Variants in PCDHGA4 observed in about 807,000 individuals in gnomAD.
PCDHGA4 encodes protocadherin gamma-A4.
PCDHGA4 carries 38 observed loss-of-function variants against 54.6 expected under a neutral mutation model. That is an observed-to-expected ratio of 0.70 (90% CI 0.54 to 0.91). The LOEUF is 0.91. Among genes scored for constraint, PCDHGA4 ranks in the 40% least tolerant of loss-of-function variants. The probability of loss-of-function intolerance (pLI) is 0.00; values close to 1 mark genes in which losing one functional copy is unlikely to be tolerated. For synonymous variants in PCDHGA4, 511 were observed against 512.9 expected, an observed-to-expected ratio of 1.00 and a Z score of 0.05; for missense variants, 1,298 against 1,220.9, an observed-to-expected ratio of 1.06 and a Z score of -0.94.
At chr5:141,392,010 A>T (rs949188518) in intron 1 of PCDHGA4, 1 of 152,234 alleles carries the variant, frequency 6.6e-6, no homozygotes, top group African/African-American at 2.4e-5. Context: ...TGCAATGGTA[A>T]AAGCATTTAT....
chr5:141,384,478 G>A (rs1350381914), intron 1 of PCDHGA4: 4 of 1,614,104 alleles, frequency 2.5e-6, no homozygotes, highest in Non-Finnish European at 3.4e-6. Context: ...GCAGTTGAGA[G>A]AACTACAACT....
chr5:141,372,008 C>A (rs774155523), intron 1 of PCDHGA4: 3 of 1,613,290 alleles, frequency 1.9e-6, no homozygotes, highest in East Asian at 4.5e-5. Flanking sequence ...GCGACCAGGG[C>A]TCGCCTACGC....
chr5:141,384,444 C>T lies in PCDHGA4; in HGVS notation c.2514+26823C>T, dbSNP rs751427123. 2.5e-5 allele frequency: 41 copies of T among 1,613,906 alleles called. No individual in the cohort carries two copies. The Admixed American group carries it at 5.0e-4, about 20-fold the overall frequency. ...TAAACTCTGACACTGGAGTCCTGTA[C>T]GCGCTGCAATCCTTTGATTATGAGC... On this transcript the variant is annotated intron_variant, in intron 1 of 3. Transcript: ENST00000571252.
chr5:141,488,866 G>C (rs957501628), intron 1 of PCDHGA4, among the ~76,000 whole-genome samples: 1 of 152,148 alleles, frequency 6.6e-6, no homozygotes, highest in East Asian at 1.9e-4. Context: ...GAAGTGAGTG[G>C]GGAGGTAGGA....
chr5:141,507,861 C>G (rs538942097), intron 3 of PCDHGA4, among the ~76,000 whole-genome samples: 6 of 152,306 alleles, frequency 3.9e-5, no homozygotes, highest in South Asian at 4.1e-4. Flanking sequence ...CTTTCACACC[C>G]GCTTCCTAGC....
chr5:141,387,726 G>C, intron 1 of PCDHGA4: 7 of 1,198,740 alleles, frequency 5.8e-6, no homozygotes, highest in Non-Finnish European at 8.0e-6. Context: ...ACTCCCCAGC[G>C]CCAGCCTTTA....
chr5:141,441,631 C>A, intron 1 of PCDHGA4: 2 of 226,308 alleles, frequency 8.8e-6, no homozygotes, highest in Non-Finnish European at 1.8e-5. Context: ...GACCTGGAGC[C>A]ACAGGCGCTG....
Position 141,356,806 on chromosome 5 carries a change from G to A in PCDHGA4, c.1699G>A (p.Asp567Asn). Residue 567 changes from aspartate to asparagine, a missense_variant, in exon 1 of 4, where the codon GAC (aspartate) becomes AAC (asparagine). By Grantham distance (23) the Asp-to-Asn change is conservative. Coordinates refer to ENST00000571252, the MANE Select transcript of PCDHGA4 (RefSeq NM_018917.4). ...RDLQLLMTASDSGDPPLSSNV... is the reference protein window; with the variant it reads ...RDLQLLMTASNSGDPPLSSNV... ...CCTGCAGCTGCTGATGACAGCCAGT[G>A]ACAGTGGAGACCCTCCACTCAGCAG... 1 of 1,614,010 alleles carries A rather than the reference G, an allele frequency of 6.2e-7. No homozygotes were observed. Among genetic ancestry groups the A allele is most frequent in the Non-Finnish European group, 8.5e-7 (1 of 1,179,892 alleles).
intron 1 of PCDHGA4, chr5:141,410,578 T>G: frequency 1.9e-6 from 3 of 1,610,984 alleles, no homozygotes; most frequent in Non-Finnish European, 2.5e-6. Context: ...TTCCACCTCA[T>G]GGTGGGGAGG....
Position 141,431,021 on chromosome 5 carries a change from G to A in PCDHGA4, c.2515-63786G>A. On this transcript the variant is annotated intron_variant, in intron 1 of 3. Coordinates refer to ENST00000571252, the MANE Select transcript of PCDHGA4 (RefSeq NM_018917.4). This position sits in a 1 kb window ranked among gnomAD's most constrained non-coding sequence, Gnocchi z 4.8. ...GCGCAGCGGCAGCTTGGTCACGGCG[G>A]GCAGGATAGACCGGGAGGAGCTCTG... is the stretch of plus-strand genomic sequence containing the variant. 1 of 1,613,940 alleles carries A rather than the reference G, an allele frequency of 6.2e-7. No individual in the cohort carries two copies. Among genetic ancestry groups the A allele is most frequent in the Non-Finnish European group, 8.5e-7 (1 of 1,179,936 alleles).
In PCDHGA4 at chr5:141,393,089, G is replaced by A. The variant is rs1168367249; in HGVS notation, c.2514+35468G>A. 4 of 1,613,660 alleles carry A rather than the reference G, an allele frequency of 2.5e-6. No homozygotes were observed. In the East Asian group the frequency reaches 6.7e-5, roughly 27 times the overall value. ...TGATCACCGCGGGCAGGATAGATCGGGAGGAGCTCTGCGCTCAGAGCCCGC... is the reference window on the plus strand; with the variant it reads ...TGATCACCGCGGGCAGGATAGATCGAGAGGAGCTCTGCGCTCAGAGCCCGC... On this transcript the variant is annotated intron_variant, in intron 1 of 3. Transcript: ENST00000571252.
chr5:141,475,739 T>C (rs190533989), intron 1 of PCDHGA4, among the ~76,000 whole-genome samples: 593 of 152,384 alleles, frequency 3.9e-3, no homozygotes, highest in Non-Finnish European at 6.7e-3. Flanking sequence ...TTCCCTAAGG[T>C]AGGTTTCCTA....
intron 1 of PCDHGA4, chr5:141,360,538 C>T: frequency 1.9e-6 from 3 of 1,613,954 alleles, no homozygotes; most frequent in Non-Finnish European, 2.5e-6. Context: ...GCTATTCAAA[C>T]AGACTAAGAT....
intron 1 of PCDHGA4, chr5:141,441,945 G>A: frequency 3.0e-6 from 1 of 333,884 alleles, no homozygotes; most frequent in Non-Finnish European, 5.8e-6. Flanking sequence ...ACCACGTGCT[G>A]CAGGCCAGCA....
At position 141,487,550 on chromosome 5, in the gene PCDHGA4, G is replaced by A. The variant is rs762537798; in HGVS notation, c.2515-7257G>A. 1 of 1,614,160 alleles carries A rather than the reference G, an allele frequency of 6.2e-7. No individual in the cohort carries two copies. The highest frequency in any genetic ancestry group is 1.1e-5 in the South Asian group (1 of 91,082). ...CTTCATGATGGTGAAGTCACCCAGT[G>A]CACCTATGGCAGGGGAGCCTGTTCG... On this transcript the variant is annotated intron_variant, in intron 1 of 3. Transcript: ENST00000571252. The surrounding 1 kb of genome is among the most constrained non-coding windows in gnomAD (Gnocchi z 5.0).
intron 1 of PCDHGA4, chr5:141,366,006 C>G: frequency 1.9e-6 from 3 of 1,614,240 alleles, no homozygotes; most frequent in Non-Finnish European, 2.5e-6. Context: ...AACGACAATA[C>G]GCCTGAGATC....
chr5:141,373,239 T>C (rs1466756322), intron 1 of PCDHGA4, among the ~76,000 whole-genome samples: 1 of 152,238 alleles, frequency 6.6e-6, no homozygotes, highest in Non-Finnish European at 1.5e-5. Flanking sequence ...ATATTTTTAC[T>C]TCCCTTTGCA....
chr5:141,383,197 G>C lies in PCDHGA4; in HGVS notation c.2514+25576G>C, dbSNP rs184479480. ...CCGGGAAGAGATCTGCGCTCAGAGTGCGCGGTGTCTGGTAAACTTTAACAT... is the reference window on the plus strand; with the variant it reads ...CCGGGAAGAGATCTGCGCTCAGAGTCCGCGGTGTCTGGTAAACTTTAACAT... On this transcript the variant is annotated intron_variant, in intron 1 of 3. Transcript: ENST00000571252. 7.4e-4 allele frequency: 1,202 copies of C among 1,614,034 alleles called. 10 individuals are homozygous for C. The African/African-American group carries it at 0.015, about 20-fold the overall frequency.
At chr5:141,415,982 T>G in intron 1 of PCDHGA4, 1 of 342,492 alleles carries the variant, frequency 2.9e-6, no homozygotes, top group Non-Finnish European at 4.9e-6. Flanking sequence ...AGCAACCCTC[T>G]TGTTCTGAAG....
Sources: gnomAD v4.1 joint callset for allele counts (sites outside exome capture counted in the v4.1 genomes callset) on GRCh38, gnomAD v4.1.1 for gene constraint, Gnocchi (gnomAD v3.1) non-coding constraint, MANE v1.5 for transcripts, NCBI Gene and HGNC (gene_info 2026-07-23, HGNC 2026-07-21) for gene names.